The following FMN1 variants were observed in gnomAD, a reference collection of about 807,000 sequenced individuals.
The protein encoded by FMN1 is formin 1.
A neutral mutation model predicts 132.4 loss-of-function variants in FMN1; 110 were observed. That is an observed-to-expected ratio of 0.83 (90% CI 0.71 to 0.97). FMN1 has a LOEUF of 0.97. Among genes scored for constraint, FMN1 ranks in the 50% least tolerant of loss-of-function variants. The probability of loss-of-function intolerance (pLI) is 0.00; values close to 1 mark genes in which losing one functional copy is unlikely to be tolerated. For missense variants in FMN1, 1,792 were observed against 1,705.3 expected, an observed-to-expected ratio of 1.05 and a Z score of -0.90; for synonymous variants, 722 against 651.7, an observed-to-expected ratio of 1.11 and a Z score of -1.64.
At chr15:33,080,921 G>A (rs1417895354) in intron 5 of FMN1, among the ~76,000 whole-genome samples, 2 of 151,754 alleles carry the variant, frequency 1.3e-5, no homozygotes, top group Non-Finnish European at 1.5e-5. Context: ...ACTAAATCTT[G>A]AAACAATACA....
chr15:32,908,724 C>T, intron 11 of FMN1, 146 bp from the exon 12 acceptor site: 1 of 595,098 alleles, frequency 1.7e-6, no homozygotes. Flanking sequence ...GTCAGAAATG[C>T]AAATTATTGG....
chr15:32,830,858 T>C (rs993251951), intron 17 of FMN1, among the ~76,000 whole-genome samples: 1 of 152,128 alleles, frequency 6.6e-6, no homozygotes, highest in Non-Finnish European at 1.5e-5. Flanking sequence ...GTTCAAGTAG[T>C]GCAAATGACA....
At chr15:33,054,642 G>A (rs2037134655) in intron 6 of FMN1, among the ~76,000 whole-genome samples, 2 of 152,162 alleles carry the variant, frequency 1.3e-5, no homozygotes, top group South Asian at 2.1e-4. Context: ...AGATTAGGTA[G>A]AGAGAAAGAA....
intron 16 of FMN1, among the ~76,000 whole-genome samples, chr15:32,884,196 G>A (rs560925806): frequency 5.5e-4 from 83 of 152,252 alleles, no homozygotes; most frequent in South Asian, 1.0e-3. Flanking sequence ...TCACCTTTTA[G>A]TTCTATATGT....
chr15:33,006,606 T>C (rs1314011176), intron 7 of FMN1, among the ~76,000 whole-genome samples: 4 of 152,214 alleles, frequency 2.6e-5, no homozygotes, highest in Non-Finnish European at 4.4e-5. Flanking sequence ...ACTGCAGCGT[T>C]ATTCACAAAA....
intron 2 of FMN1, among the ~76,000 whole-genome samples, chr15:33,182,873 CA>C (rs1364038076): frequency 6.6e-6 from 1 of 152,154 alleles, no homozygotes; most frequent in Non-Finnish European, 1.5e-5. Context: ...GCACTTGTGG[CA>C]GGGATTATGA....
chr15:32,867,701 C>T (rs906760801), intron 16 of FMN1, among the ~76,000 whole-genome samples: 6 of 152,146 alleles, frequency 3.9e-5, no homozygotes, highest in African/African-American at 7.2e-5. Context: ...CCATGTTAGC[C>T]GGGATGGTCT....
chr15:32,948,485 C>T (rs2061556640), intron 9 of FMN1, among the ~76,000 whole-genome samples: 1 of 151,852 alleles, frequency 6.6e-6, no homozygotes, highest in African/African-American at 2.4e-5. Flanking sequence ...GAAAGACATG[C>T]TTAGTGTAAT....
intron 7 of FMN1, among the ~76,000 whole-genome samples, chr15:32,994,772 G>C (rs2140877091): frequency 6.6e-6 from 1 of 151,074 alleles, no homozygotes; most frequent in Non-Finnish European, 1.5e-5. Flanking sequence ...ATTATTTTAA[G>C]GTGGTCCTTT....
rs138312608 is a variant in FMN1 at position 33,154,497 on chromosome 15, GCCAGTC to G, written c.412_417del (p.Asp138_Trp139del). The G allele has an allele frequency of 1.6e-3, 2,510 of 1,536,080 alleles. 41 individuals are homozygous for G. The African/African-American group carries it at 0.031, about 19-fold the overall frequency. On this transcript the variant is annotated inframe_deletion, in exon 4 of 21. Transcript: ENST00000616417. ...AGAGGGCCCACGGGGAGCTCTCCCT[GCCAGTC>G]ACCAGCACTCTGGAAACAGTCATCC...
At chr15:32,970,280 C>A (rs145665158) in intron 7 of FMN1, among the ~76,000 whole-genome samples, 1 of 152,286 alleles carries the variant, frequency 6.6e-6, no homozygotes, top group East Asian at 1.9e-4. Flanking sequence ...GCATTCAAAG[C>A]TATTCATCCT....
intron 4 of FMN1, among the ~76,000 whole-genome samples, chr15:33,139,979 A>C (rs952053312): frequency 5.7e-4 from 87 of 152,192 alleles, no homozygotes; most frequent in Admixed American, 7.9e-4. Context: ...TATGTTTCCA[A>C]AAATTTAAAT....
chr15:32,816,275 G>A (rs557428954), intron 17 of FMN1, among the ~76,000 whole-genome samples: 4 of 152,138 alleles, frequency 2.6e-5, no homozygotes, highest in East Asian at 3.9e-4. Flanking sequence ...AAAATATCAC[G>A]GGAAAATGCT....
chr15:33,092,741 G>C (rs1262559131), intron 4 of FMN1, among the ~76,000 whole-genome samples: 1 of 152,150 alleles, frequency 6.6e-6, no homozygotes, highest in African/African-American at 2.4e-5. Context: ...TGTTGAAATA[G>C]TTGCCTCATA....
At chr15:32,817,075 C>T (rs1016178841) in intron 17 of FMN1, among the ~76,000 whole-genome samples, 3 of 152,136 alleles carry the variant, frequency 2.0e-5, no homozygotes, top group East Asian at 1.9e-4. Flanking sequence ...AGCATCATAC[C>T]TTGACAAAGG....
Position 33,065,139 on chromosome 15 carries a change from A to T in FMN1, c.2044-65T>A, listed in dbSNP as rs1460247893. ...AGAGCCGATTAATTCCTGAAAAATGACATGCTAAACCTAATTCTGAAGTTA... is the reference window on the plus strand; with the variant it reads ...AGAGCCGATTAATTCCTGAAAAATGTCATGCTAAACCTAATTCTGAAGTTA... On this transcript the variant is annotated intron_variant, in intron 5 of 20. Transcript: ENST00000616417. 4 of 1,062,312 alleles carry T rather than the reference A, an allele frequency of 3.8e-6. No individual in the cohort carries two copies. In the East Asian group the frequency reaches 7.4e-5, roughly 20 times the overall value. The allele number at this position is 1,062,312 out of a possible 1,614,324, so 65.8% of individuals were successfully genotyped here. A position where few individuals can be genotyped will look rare whatever the true frequency, so the allele number is the denominator to read the frequency against.
chr15:32,918,709 A>C (rs1478861957), intron 10 of FMN1, among the ~76,000 whole-genome samples: 3 of 152,176 alleles, frequency 2.0e-5, no homozygotes. Context: ...GTGGAATGAG[A>C]AACAGTTTGG....
intron 4 of FMN1, among the ~76,000 whole-genome samples, chr15:33,139,664 G>A (rs1461683864): frequency 6.6e-6 from 1 of 152,176 alleles, no homozygotes; most frequent in Non-Finnish European, 1.5e-5. Flanking sequence ...ATCCAAATAA[G>A]CTTCGTGTTC....
chr15:33,061,819 A>G (rs1201662835), intron 6 of FMN1, among the ~76,000 whole-genome samples: 1 of 152,132 alleles, frequency 6.6e-6, no homozygotes, highest in Non-Finnish European at 1.5e-5. Flanking sequence ...GCAATTTAGA[A>G]AAAAAAGTTG....
Sources: gnomAD v4.1 joint callset for allele counts (sites outside exome capture counted in the v4.1 genomes callset) on GRCh38, gnomAD v4.1.1 for gene constraint, MANE v1.5 for transcripts, NCBI Gene and HGNC (gene_info 2026-07-23, HGNC 2026-07-21) for gene names.